The following CNTN5 variants were observed in gnomAD, a reference collection of about 807,000 sequenced individuals.
The protein encoded by CNTN5 is contactin-5.
CNTN5 carries 77 observed loss-of-function variants against 129.1 expected under a neutral mutation model. The ratio of observed to expected loss-of-function variants is 0.60; its 90% CI spans 0.50 to 0.72. The LOEUF is 0.72. Among genes scored for constraint, CNTN5 ranks in the 30% least tolerant of loss-of-function variants. The pLI, the probability that CNTN5 is intolerant of heterozygous loss-of-function variation, is 0.00. For synonymous variants in CNTN5, 509 were observed against 465.6 expected, an observed-to-expected ratio of 1.09 and a Z score of -1.20; for missense variants, 1,478 against 1,328.8, an observed-to-expected ratio of 1.11 and a Z score of -1.75.
chr11:99,691,257 C>A (rs1175046361), intron 3 of CNTN5, among the ~76,000 whole-genome samples: 1 of 150,284 alleles, frequency 6.7e-6, no homozygotes, highest in Non-Finnish European at 1.5e-5. Context: ...TTCTTTAACT[C>A]AGCTCTGATC....
chr11:100,030,567 T>C (rs980237424), intron 9 of CNTN5, among the ~76,000 whole-genome samples: 1 of 152,210 alleles, frequency 6.6e-6, no homozygotes, highest in Non-Finnish European at 1.5e-5. Context: ...ATGTATTGTG[T>C]ATGCCTCATT....
intron 1 of CNTN5, among the ~76,000 whole-genome samples, chr11:99,056,811 C>T (rs979424237): frequency 6.6e-6 from 1 of 151,932 alleles, no homozygotes; most frequent in East Asian, 1.9e-4. Flanking sequence ...ATGTTATGTC[C>T]AAGAAAACAT....
intron 13 of CNTN5, among the ~76,000 whole-genome samples, chr11:100,168,606 T>C (rs1947724308): frequency 6.6e-6 from 1 of 151,974 alleles, no homozygotes; most frequent in Non-Finnish European, 1.5e-5. Flanking sequence ...TTACCACTCA[T>C]TGACAATGCA....
intron 3 of CNTN5, among the ~76,000 whole-genome samples, chr11:99,747,640 T>G (rs1315032103): frequency 6.6e-6 from 1 of 151,706 alleles, no homozygotes; most frequent in Non-Finnish European, 1.5e-5. Context: ...TGGCTAACTT[T>G]TTTTTGTATT....
At chr11:99,691,939 G>A (rs1402979478) in intron 3 of CNTN5, among the ~76,000 whole-genome samples, 1 of 152,080 alleles carries the variant, frequency 6.6e-6, no homozygotes, top group African/African-American at 2.4e-5. Context: ...TGTATTGGGT[G>A]CATATATATT....
chr11:99,089,453 A>T (rs561111535), intron 1 of CNTN5, among the ~76,000 whole-genome samples: 149 of 152,334 alleles, frequency 9.8e-4, no homozygotes, highest in African/African-American at 3.4e-3. Flanking sequence ...CATTGTTTAG[A>T]CAAGGACATG....
intron 3 of CNTN5, among the ~76,000 whole-genome samples, chr11:99,609,044 C>G (rs999235142): frequency 4.6e-5 from 7 of 152,168 alleles, no homozygotes; most frequent in African/African-American, 1.7e-4. Context: ...TTTCACATGA[C>G]TATTCCCAAA....
At chr11:99,351,267 C>T (rs1255132424) in intron 2 of CNTN5, among the ~76,000 whole-genome samples, 1 of 152,162 alleles carries the variant, frequency 6.6e-6, no homozygotes, top group Non-Finnish European at 1.5e-5. Flanking sequence ...AAATATTTTG[C>T]CTACATTGCT....
intron 3 of CNTN5, among the ~76,000 whole-genome samples, chr11:99,740,399 A>G (rs1270253430): frequency 5.3e-5 from 8 of 152,190 alleles, no homozygotes; most frequent in Non-Finnish European, 1.2e-4. Flanking sequence ...TTTGTTAAGA[A>G]TGAGGCATTA....
intron 2 of CNTN5, among the ~76,000 whole-genome samples, chr11:99,484,109 T>G (rs1945712328): frequency 6.6e-6 from 1 of 151,644 alleles, no homozygotes; most frequent in South Asian, 2.1e-4. Context: ...GTCAATAGAA[T>G]GAAATAACAA....
At chr11:99,924,334 G>A (rs1467472815) in intron 7 of CNTN5, among the ~76,000 whole-genome samples, 1 of 152,068 alleles carries the variant, frequency 6.6e-6, no homozygotes, top group Non-Finnish European at 1.5e-5. Flanking sequence ...AATGTCTAGA[G>A]AGTGTTTCTT....
intron 3 of CNTN5, among the ~76,000 whole-genome samples, chr11:99,793,511 C>G (rs918786391): frequency 1.3e-5 from 2 of 152,092 alleles, no homozygotes; most frequent in East Asian, 1.9e-4. Flanking sequence ...TCTAGTTCCT[C>G]TAGTTGATAA....
At chr11:99,825,893 G>T (rs573728276) in intron 4 of CNTN5, among the ~76,000 whole-genome samples, 185 of 152,102 alleles carry the variant, frequency 1.2e-3, no homozygotes, top group Non-Finnish European at 2.0e-3. Flanking sequence ...CAATTCAAAA[G>T]AAAATATAAT....
chr11:99,414,505 A>G (rs1942554100), intron 2 of CNTN5, among the ~76,000 whole-genome samples: 1 of 152,056 alleles, frequency 6.6e-6, no homozygotes, highest in Non-Finnish European at 1.5e-5. Flanking sequence ...ATATATATAT[A>G]CATTCTTAAC....
At position 100,014,632 on chromosome 11, in the gene CNTN5, G is replaced by A. The variant is rs185926834; in HGVS notation, c.980+12496G>A. On this transcript the variant is annotated intron_variant, in intron 9 of 24. Transcript: ENST00000524871. The stretch of plus-strand genomic sequence containing the variant: ...TAAAAATACATAGATTTTTATTGAT[G>A]CTTCATTAGCTTTGGGAATTTCTCC... Among the ~76,000 whole-genome samples, 15 of 152,196 alleles carry A rather than the reference G, an allele frequency of 9.9e-5. No homozygotes were observed. In the East Asian group the frequency reaches 2.5e-3, roughly 26 times the overall value.
intron 18 of CNTN5, among the ~76,000 whole-genome samples, chr11:100,295,424 C>T (rs1951081009): frequency 6.6e-6 from 1 of 150,842 alleles, no homozygotes; most frequent in South Asian, 2.1e-4. Context: ...GGAAATTTTC[C>T]CCAAAATGTT....
chr11:99,221,616 C>T (rs1323451522), intron 1 of CNTN5, among the ~76,000 whole-genome samples: 4 of 151,750 alleles, frequency 2.6e-5, no homozygotes, highest in African/African-American at 7.3e-5. Flanking sequence ...ATAATCATAG[C>T]CTTTTTAACT....
intron 1 of CNTN5, among the ~76,000 whole-genome samples, chr11:99,087,016 A>T (rs897516016): frequency 6.6e-6 from 1 of 152,234 alleles, no homozygotes; most frequent in Non-Finnish European, 1.5e-5. Context: ...ATTATCACCC[A>T]GTAAGTGGTA....
intron 2 of CNTN5, among the ~76,000 whole-genome samples, chr11:99,547,357 G>T (rs117412495): frequency 1.1e-4 from 16 of 152,268 alleles, no homozygotes; most frequent in African/African-American, 3.9e-4. Context: ...GCAGTGGAAG[G>T]TATGTGGGCA....
Sources: allele counts gnomAD v4.1 joint callset (sites outside exome capture counted in the v4.1 genomes callset), GRCh38; gene constraint gnomAD v4.1.1; transcripts MANE v1.5; gene names NCBI Gene and HGNC (gene_info 2026-07-23, HGNC 2026-07-21).